RHOBTB1: variants seen among roughly 807,000 people sequenced by gnomAD.
RHOBTB1 encodes the protein Rho related BTB domain containing 1, also known as rho-related BTB domain-containing protein 1.
A neutral mutation model predicts 71.6 loss-of-function variants in RHOBTB1; 40 were observed. The observed-to-expected ratio is 0.56, with a 90% CI of 0.43 to 0.73. The LOEUF (loss-of-function observed/expected upper bound fraction) is 0.73. Ranked by LOEUF, RHOBTB1 falls within the 30% of genes least tolerant of loss-of-function variation. RHOBTB1 has a pLI of 0.00. For synonymous variants in RHOBTB1, 319 were observed against 334.9 expected (o/e 0.95, Z 0.52); for missense variants, 797 against 894.0 (o/e 0.89, Z 1.38).
chr10:60,916,506 T>G (rs1252423915), intron 2 of RHOBTB1, among the ~76,000 whole-genome samples: 1 of 152,166 alleles, frequency 6.6e-6, no homozygotes, highest in African/African-American at 2.4e-5. Context: ...TATGAACCAA[T>G]AGTCAACAGA....
intron 2 of RHOBTB1, among the ~76,000 whole-genome samples, chr10:60,975,982 T>C (rs977404855): frequency 3.9e-5 from 6 of 152,110 alleles, no homozygotes; most frequent in Admixed American, 1.3e-4. Context: ...AGTCAGTTCA[T>C]TGTTGCACTA....
At chr10:60,897,773 C>T (rs1589229028) in intron 4 of RHOBTB1, among the ~76,000 whole-genome samples, 1 of 152,242 alleles carries the variant, frequency 6.6e-6, no homozygotes, top group East Asian at 1.9e-4. Context: ...GTGGCTCAAT[C>T]TCGGCTCACT....
chr10:60,908,784 G>T (rs1458597104), intron 4 of RHOBTB1, among the ~76,000 whole-genome samples: 4 of 152,164 alleles, frequency 2.6e-5, no homozygotes, highest in Admixed American at 2.6e-4. Context: ...CTAGAGGTGG[G>T]GTCTGTGTCA....
chr10:60,866,719 T>C (rs10994551), downstream of RHOBTB1, among the ~76,000 whole-genome samples: 3,005 of 152,138 alleles, frequency 0.02, 49 homozygotes, highest in African/African-American at 0.039. Context: ...AGGGGAAATG[T>C]TCTCTTAGAA....
In RHOBTB1 at chr10:60,911,641, G is replaced by A. The variant is rs375810290; in HGVS notation, c.-10-89C>T. ...AAGAGGTTCAGGGAGTTTTGCCTTC[G>A]TCCAGCCACTTCCTTGGAGGTGCAC... On this transcript the variant is annotated intron_variant, in intron 2 of 10. Transcript: ENST00000337910. The A allele has an allele frequency of 1.0e-4, 108 of 1,040,568 alleles. No homozygotes were observed. The Middle Eastern group carries it at 1.9e-3, about 18-fold the overall frequency. 64.5% of individuals were successfully genotyped at this position (1,040,568 alleles called of 1,614,324 possible). A position where few individuals can be genotyped will look rare whatever the true frequency, so the allele number is the denominator to read the frequency against.
At chr10:60,937,025 T>C (rs1037389262) in intron 2 of RHOBTB1, among the ~76,000 whole-genome samples, 12 of 152,164 alleles carry the variant, frequency 7.9e-5, no homozygotes, top group African/African-American at 2.9e-4. Flanking sequence ...CAGGATAATA[T>C]AGTCTATTCT....
At chr10:60,880,663 T>G (rs1314654525) in intron 7 of RHOBTB1, among the ~76,000 whole-genome samples, 1 of 152,158 alleles carries the variant, frequency 6.6e-6, no homozygotes, top group Admixed American at 6.6e-5. Flanking sequence ...AAACTATTAC[T>G]GGGATTATTT....
At chr10:61,001,477 CG>C (rs1384317963), upstream of RHOBTB1, 2 of 151,488 alleles carry the variant, frequency 1.3e-5, no homozygotes, top group African/African-American at 4.8e-5. Context: ...GTAAAGCCGC[CG>C]GGACAGCGCC....
chr10:60,888,047 G>A (rs2081676211), intron 6 of RHOBTB1, among the ~76,000 whole-genome samples, 165 bp downstream of exon 6: 1 of 152,138 alleles, frequency 6.6e-6, no homozygotes, highest in South Asian at 2.1e-4. Flanking sequence ...CTTTAAGTCT[G>A]ATGAGGATTA....
the RHOBTB1 span, among the ~76,000 whole-genome samples, chr10:60,864,030 C>A: frequency 1.3e-5 from 2 of 152,180 alleles, no homozygotes; most frequent in Non-Finnish European, 2.9e-5. Flanking sequence ...TAGCCTTCGA[C>A]CACTCGTGCA....
At chr10:60,897,775 C>T (rs2001940) in intron 4 of RHOBTB1, among the ~76,000 whole-genome samples, 36,369 of 151,912 alleles carry the variant, frequency 0.24, 4,530 homozygotes, top group East Asian at 0.48. Flanking sequence ...GGCTCAATCT[C>T]GGCTCACTGC....
intron 7 of RHOBTB1, 28 bp from the exon 8 acceptor site, chr10:60,878,086 C>T (rs958961390): frequency 4.4e-6 from 7 of 1,597,930 alleles, no homozygotes; most frequent in Admixed American, 1.7e-5. Context: ...AAGCTAAATT[C>T]TGCTGCAGAA....
Position 60,912,203 on chromosome 10 carries a change from G to GTATA in RHOBTB1, c.-10-655_-10-652dup, listed in dbSNP as rs572293264. Among the ~76,000 whole-genome samples the GTATA allele has an allele frequency of 1.1e-3, 167 of 145,882 alleles. 2 individuals are homozygous for GTATA. Among genetic ancestry groups the GTATA allele is most frequent in the Middle Eastern group, 3.6e-3 (1 of 280 alleles). The stretch of plus-strand genomic sequence containing the variant: ...AATTCATAAATATATATGTGTGTGT[G>GTATA]TATATATATGTGTATATATATACAC... On this transcript the variant is annotated intron_variant, in intron 2 of 10. Transcript: ENST00000337910.
intron 2 of RHOBTB1, among the ~76,000 whole-genome samples, chr10:60,919,424 G>A (rs2083440011): frequency 6.6e-6 from 1 of 152,166 alleles, no homozygotes; most frequent in Non-Finnish European, 1.5e-5. Context: ...CTTTTAATCA[G>A]CAGTTGTAGG....
At chr10:60,900,116 G>A (rs1416955790) in intron 4 of RHOBTB1, among the ~76,000 whole-genome samples, 2 of 152,164 alleles carry the variant, frequency 1.3e-5, no homozygotes, top group African/African-American at 4.8e-5. Flanking sequence ...TGAAGTCTTT[G>A]AGCAGAACGT....
At chr10:60,872,788 C>T (rs549905462) in intron 9 of RHOBTB1, among the ~76,000 whole-genome samples, 17 of 152,258 alleles carry the variant, frequency 1.1e-4, no homozygotes, top group Admixed American at 2.6e-4. Flanking sequence ...GAAGAGCAGG[C>T]GGTATGGGCA....
chr10:60,951,765 T>C (rs1174510444), intron 2 of RHOBTB1, among the ~76,000 whole-genome samples: 1 of 147,528 alleles, frequency 6.8e-6, no homozygotes, highest in Non-Finnish European at 1.5e-5. Flanking sequence ...TTAATAATGG[T>C]AAATGGTTGT....
chr10:60,984,777 CTTTA>C (rs1315288446), intron 2 of RHOBTB1, among the ~76,000 whole-genome samples: 1 of 152,124 alleles, frequency 6.6e-6, no homozygotes, highest in Non-Finnish European at 1.5e-5. Flanking sequence ...TTTGTAAATA[CTTTA>C]TTTATAGGTG....
intron 2 of RHOBTB1, among the ~76,000 whole-genome samples, chr10:60,966,582 C>T (rs1244284555): frequency 1.3e-5 from 2 of 151,478 alleles, no homozygotes; most frequent in African/African-American, 4.8e-5. Context: ...TTTCTAGTTT[C>T]TGTGTAGCTC....
Sources: allele counts gnomAD v4.1 joint callset (sites outside exome capture counted in the v4.1 genomes callset), GRCh38; gene constraint gnomAD v4.1.1; transcripts MANE v1.5; gene names NCBI Gene and HGNC (gene_info 2026-07-23, HGNC 2026-07-21).